Variants in COL13A1 observed in about 807,000 individuals in gnomAD.
COL13A1 encodes collagen type XIII alpha 1 chain, also known as collagen alpha-1(XIII) chain.
A neutral mutation model predicts 130.9 loss-of-function variants in COL13A1; 89 were observed. The ratio of observed to expected loss-of-function variants is 0.68; its 90% CI spans 0.57 to 0.81. The LOEUF (loss-of-function observed/expected upper bound fraction) is 0.81, where lower values mean the gene tolerates loss of function less well. COL13A1 is among the 30% of genes least tolerant of loss of function. The pLI is 0.00. For synonymous variants in COL13A1, 402 were observed against 341.6 expected (o/e 1.18, Z -1.95); for missense variants, 879 against 934.6 (o/e 0.94, Z 0.78).
At chr10:69,868,782 A>G (rs573722460) in intron 3 of COL13A1, among the ~76,000 whole-genome samples, 1 of 152,312 alleles carries the variant, frequency 6.6e-6, no homozygotes, top group South Asian at 2.1e-4. Flanking sequence ...TGAGGATCCC[A>G]TGGCCCCTGA....
chr10:69,875,633 C>G (rs2059500014), intron 5 of COL13A1, among the ~76,000 whole-genome samples: 1 of 152,190 alleles, frequency 6.6e-6, no homozygotes, highest in South Asian at 2.1e-4. Context: ...AGGGCTTGGT[C>G]CCAGGTGGCA....
chr10:69,904,426 GCCAGCAGCCTTCCCTGGCCT>G lies in COL13A1; in HGVS notation c.859-505_859-486del, dbSNP rs2062523123. Reference sequence around the variant, plus strand: ...CACCTACACCCAAGGCTGCGGTGGAGCCAGCAGCCTTCCCTGGCCTCTCCCTCGGCTCACACCACCTCACT... The same window carrying G: ...CACCTACACCCAAGGCTGCGGTGGAGCTCCCTCGGCTCACACCACCTCACT... On this transcript the variant is annotated intron_variant, in intron 15 of 40. Transcript: ENST00000645393. Among the ~76,000 whole-genome samples, 5 of 152,168 alleles carry G rather than the reference GCCAGCAGCCTTCCCTGGCCT, an allele frequency of 3.3e-5. No individual in the cohort carries two copies. In the South Asian group the frequency reaches 1.0e-3, roughly 32 times the overall value.
At chr10:69,907,931 A>T (rs2062959225) in intron 17 of COL13A1, among the ~76,000 whole-genome samples, 1 of 152,244 alleles carries the variant, frequency 6.6e-6, no homozygotes, top group African/African-American at 2.4e-5. Context: ...ACACTGTTGC[A>T]TTGGGGATTA....
chr10:69,883,300 A>T (rs1235428331), intron 7 of COL13A1, among the ~76,000 whole-genome samples: 1 of 152,136 alleles, frequency 6.6e-6, no homozygotes, highest in Non-Finnish European at 1.5e-5. Flanking sequence ...TGCCAGTCCT[A>T]GGAAATGCCC....
chr10:69,935,361 G>T lies in COL13A1; in HGVS notation c.1740G>T (p.Leu580=). The T allele has an allele frequency of 1.3e-6, 2 of 1,579,082 alleles. No individual in the cohort carries two copies. The highest frequency in any genetic ancestry group is 1.7e-6 in the Non-Finnish European group (2 of 1,161,666). Reference sequence around the variant, plus strand: ...CCTTTGGCTTTTAGGTTCCTGGGCTGCCAGGGCCAGAGGGGCCTCCCGGAC... The same window carrying T: ...CCTTTGGCTTTTAGGTTCCTGGGCTTCCAGGGCCAGAGGGGCCTCCCGGAC... ...KGNPGAEVPG[L]PGPEGPPGPP... is the part of the protein sequence containing the mutation. The change falls in exon 32 of 41, where the codon CTG becomes CTT. Residue 580 remains leucine, a synonymous_variant. Transcript: ENST00000645393.
In COL13A1 at chr10:69,918,320, C is replaced by G; in HGVS notation, c.999+3C>G. Reference sequence around the variant, plus strand: ...GAATTGCCGTGGCTGGGATGAAGGTCAGTGGACTGTTGTAACCAACACATC... The same window carrying G: ...GAATTGCCGTGGCTGGGATGAAGGTGAGTGGACTGTTGTAACCAACACATC... On this transcript the variant is annotated splice_donor_region_variant and intron_variant, in intron 19 of 40. Transcript: ENST00000645393. 6.2e-7 allele frequency: 1 copy of G among 1,613,044 alleles called. No individual in the cohort carries two copies. Among genetic ancestry groups the G allele is most frequent in the South Asian group, 1.1e-5 (1 of 90,970 alleles).
At chr10:69,823,604 G>A (rs75688717) in intron 2 of COL13A1, among the ~76,000 whole-genome samples, 3,346 of 152,326 alleles carry the variant, frequency 0.022, 93 homozygotes, top group African/African-American at 0.062. Flanking sequence ...AGGGAAGAGA[G>A]GCTGACAGAT....
chr10:69,902,475 C>T (rs757261909), intron 14 of COL13A1, among the ~76,000 whole-genome samples: 2 of 152,152 alleles, frequency 1.3e-5, no homozygotes, highest in Non-Finnish European at 2.9e-5. Flanking sequence ...CTGCCTCTGC[C>T]CCCCCGCAGA....
chr10:69,884,809 C>T (rs1038446906), intron 7 of COL13A1, among the ~76,000 whole-genome samples: 1 of 152,094 alleles, frequency 6.6e-6, no homozygotes, highest in Non-Finnish European at 1.5e-5. Flanking sequence ...AAATGTATTA[C>T]AAAAACAGGA....
At chr10:69,903,911 C>G (rs1455771584) in intron 15 of COL13A1, among the ~76,000 whole-genome samples, 1 of 152,192 alleles carries the variant, frequency 6.6e-6, no homozygotes, top group Non-Finnish European at 1.5e-5. Context: ...GGCTGCCCAG[C>G]TTTCAATCTC....
intron 14 of COL13A1, among the ~76,000 whole-genome samples, chr10:69,902,422 G>A (rs1266224833): frequency 1.3e-5 from 2 of 152,202 alleles, no homozygotes; most frequent in Admixed American, 1.3e-4. Context: ...CAGGCTGGGA[G>A]CAGGCCTTTG....
At chr10:69,857,900 G>A (rs1009826249) in intron 2 of COL13A1, among the ~76,000 whole-genome samples, 4 of 149,662 alleles carry the variant, frequency 2.7e-5, no homozygotes, top group African/African-American at 4.9e-5. Context: ...GGCAGATCAC[G>A]AGGTCAGGAG....
chr10:69,867,720 A>T (rs2058661883), intron 2 of COL13A1, 78 bp from the exon 3 acceptor site: 2 of 714,392 alleles, frequency 2.8e-6, no homozygotes, highest in Non-Finnish European at 5.2e-6. Context: ...GAATCCTTGG[A>T]CACTGCTTCC....
intron 12 of COL13A1, 67 bp downstream of exon 12, chr10:69,894,768 G>A: frequency 6.3e-7 from 1 of 1,587,490 alleles, no homozygotes; most frequent in South Asian, 1.1e-5. Context: ...GTAGAAAGGG[G>A]TCAATTATGG....
In COL13A1 at chr10:69,928,995, A is replaced by G. The variant is rs763581291; in HGVS notation, c.1481A>G (p.Gln494Arg). The change falls in exon 28 of 41, where the codon CAG becomes CGG. Residue 494 changes from glutamine (Q) to arginine (R), a missense_variant. Around this residue, in one of 3 missense-constraint regions of COL13A1, gnomAD observed 715 missense variants for 721.0 expected, o/e 0.99. Coordinates refer to ENST00000645393, the MANE Select transcript of COL13A1 (RefSeq NM_001368882.1). ...CCTGGAGCTCCAGGGATTCCAGGCC[A>G]GAAGGTAAATCTTATCTTGACAAAG... ...GPPGAPGIPG[Q>R]KGEIGLPGPP... The G allele has an allele frequency of 4.3e-6, 7 of 1,612,846 alleles. No homozygotes were observed. The East Asian group carries it at 6.7e-5, about 15-fold the overall frequency.
intron 1 of COL13A1, among the ~76,000 whole-genome samples, chr10:69,813,173 C>T (rs1843495626): frequency 6.6e-6 from 1 of 152,128 alleles, no homozygotes; most frequent in Non-Finnish European, 1.5e-5. Context: ...CAACATTCAC[C>T]CCAGGACTTC....
At chr10:69,931,870 T>C (rs2066167563) in intron 30 of COL13A1, among the ~76,000 whole-genome samples, 1 of 152,214 alleles carries the variant, frequency 6.6e-6, no homozygotes. Context: ...CACATCCTAG[T>C]TGGGTCCTCT....
intron 14 of COL13A1, among the ~76,000 whole-genome samples, chr10:69,901,184 C>T (rs1055919375): frequency 6.6e-6 from 1 of 152,112 alleles, no homozygotes; most frequent in South Asian, 2.1e-4. Flanking sequence ...AACATGCAGC[C>T]GGGTGGGGGA....
At chr10:69,945,571 G>T (rs2068377972) in intron 36 of COL13A1, 100 bp from the exon 37 acceptor site, 3 of 1,505,360 alleles carry the variant, frequency 2.0e-6, no homozygotes, top group Non-Finnish European at 2.7e-6. Flanking sequence ...CTCTTGAGGG[G>T]ACTGGAGAGG....
Sources: gnomAD v4.1 joint callset for allele counts (sites outside exome capture counted in the v4.1 genomes callset) on GRCh38, gnomAD v4.1.1 for gene constraint, gnomAD v4.1.1 regional missense constraint, MANE v1.5 for transcripts, NCBI Gene and HGNC (gene_info 2026-07-23, HGNC 2026-07-21) for gene names.